Variants in POLD3 observed in about 807,000 individuals in gnomAD.
POLD3 encodes DNA polymerase delta 3, accessory subunit.
Under a neutral mutation model 58.2 loss-of-function variants are expected in POLD3, and 19 were observed. That is an observed-to-expected ratio of 0.33 (90% CI 0.23 to 0.48). The LOEUF is 0.48. Ranked by LOEUF, POLD3 falls within the 20% of genes least tolerant of loss-of-function variation. POLD3 has a pLI of 0.99. For missense variants in POLD3, 504 were observed against 545.5 expected (o/e 0.92, Z 0.76); for synonymous variants, 172 against 193.5 (o/e 0.89, Z 0.92).
At chr11:74,608,446 T>G (rs2031772561) in intron 3 of POLD3, among the ~76,000 whole-genome samples, 2 of 152,128 alleles carry the variant, frequency 1.3e-5, no homozygotes, top group Non-Finnish European at 2.9e-5. Flanking sequence ...CTGTAATTTT[T>G]CTGTGAATAA....
intron 9 of POLD3, among the ~76,000 whole-genome samples, chr11:74,631,707 C>T (rs1381782428): frequency 3.9e-5 from 6 of 152,060 alleles, no homozygotes; most frequent in Non-Finnish European, 8.8e-5. Flanking sequence ...TGGTCTTGAA[C>T]TCCTGACCCC....
intron 2 of POLD3, among the ~76,000 whole-genome samples, chr11:74,596,600 A>G (rs2031267711): frequency 6.6e-6 from 1 of 152,216 alleles, no homozygotes; most frequent in Non-Finnish European, 1.5e-5. Flanking sequence ...GTATTACATC[A>G]CACAGTTATT....
intron 7 of POLD3, among the ~76,000 whole-genome samples, chr11:74,622,529 A>G (rs2032296669): frequency 6.6e-6 from 1 of 152,236 alleles, no homozygotes; most frequent in Admixed American, 6.5e-5. Flanking sequence ...AAGTTAATTT[A>G]TTTGACATTT....
intron 9 of POLD3, among the ~76,000 whole-genome samples, chr11:74,632,836 A>G (rs1364951995): frequency 6.7e-6 from 1 of 148,278 alleles, no homozygotes; most frequent in East Asian, 2.0e-4. Context: ...CTCATCCCAA[A>G]TTTAGTTCAG....
intron 11 of POLD3, among the ~76,000 whole-genome samples, chr11:74,637,033 A>T (rs894900297): frequency 1.1e-4 from 16 of 152,174 alleles, no homozygotes; most frequent in Non-Finnish European, 2.2e-4. Context: ...TTTGTGTTTG[A>T]AAAGAGTTGT....
chr11:74,616,568 T>C (rs1385901785), intron 5 of POLD3, among the ~76,000 whole-genome samples: 1 of 152,226 alleles, frequency 6.6e-6, no homozygotes, highest in African/African-American at 2.4e-5. Flanking sequence ...TTTCCTTGTA[T>C]ATGGAAGCAC....
chr11:74,617,546 C>T (rs1404752331), intron 5 of POLD3, among the ~76,000 whole-genome samples: 1 of 152,034 alleles, frequency 6.6e-6, no homozygotes, highest in Admixed American at 6.6e-5. Context: ...GGACTACAGG[C>T]GCGTGCCACC....
chr11:74,640,312 G>A (rs932335996), intron 11 of POLD3, among the ~76,000 whole-genome samples: 1 of 152,206 alleles, frequency 6.6e-6, no homozygotes, highest in Non-Finnish European at 1.5e-5. Context: ...TTAAAGGCAT[G>A]GGATATAGCT....
At chr11:74,599,958 T>TA (rs199970292) in intron 2 of POLD3, among the ~76,000 whole-genome samples, 16 of 74,432 alleles carry the variant, frequency 2.1e-4, no homozygotes, top group African/African-American at 5.4e-4. Flanking sequence ...TTATTATTAT[T>TA]TTTTTTTTTT....
At chr11:74,629,641 T>C (rs529196836) in intron 9 of POLD3, among the ~76,000 whole-genome samples, 10 of 152,066 alleles carry the variant, frequency 6.6e-5, no homozygotes, top group Admixed American at 3.3e-4. Flanking sequence ...TTCATGTGAA[T>C]CTTTTAAAAA....
At chr11:74,594,215 C>T (rs2031142375) in intron 2 of POLD3, 99 bp downstream of exon 2, 4 of 739,508 alleles carry the variant, frequency 5.4e-6, no homozygotes, top group Admixed American at 2.2e-5. Flanking sequence ...TAGATTAGAG[C>T]TAATTTGGTT....
chr11:74,639,207 T>C (rs1055502602), intron 11 of POLD3, among the ~76,000 whole-genome samples: 2 of 152,142 alleles, frequency 1.3e-5, no homozygotes, highest in African/African-American at 4.8e-5. Context: ...AGTCTGAAAC[T>C]TGAGAAACAG....
intron 2 of POLD3, chr11:74,594,999 C>T (rs1427193908): frequency 7.9e-5 from 12 of 152,166 alleles, no homozygotes; most frequent in Non-Finnish European, 1.2e-4. Flanking sequence ...ATTGGAATTG[C>T]TGGGTCATGA....
At chr11:74,646,957 T>C (rs1282640371), downstream of POLD3, among the ~76,000 whole-genome samples, 2 of 152,252 alleles carry the variant, frequency 1.3e-5, no homozygotes, top group Non-Finnish European at 2.9e-5. Context: ...AATTTTTCCA[T>C]GGCCAGATAG....
At chr11:74,600,979 A>G (rs866618319) in intron 2 of POLD3, among the ~76,000 whole-genome samples, 3 of 152,080 alleles carry the variant, frequency 2.0e-5, no homozygotes, top group South Asian at 4.2e-4. Context: ...TTGGCCTCCC[A>G]AAGTGCTGGG....
intron 3 of POLD3, among the ~76,000 whole-genome samples, chr11:74,609,364 ATATATATATTTTTTTTTT>A (rs1169040730): frequency 4.6e-5 from 2 of 43,148 alleles, no homozygotes; most frequent in East Asian, 5.0e-4. Flanking sequence ...ATATATATAT[ATATATATATTTTTTTTTT>A]TTTTTTTTTT....
rs528175736 is a variant in POLD3, at chr11:74,602,572, G to A, written c.117-2120G>A. On this transcript the variant is annotated intron_variant, in intron 2 of 11. Transcript: ENST00000263681. ...ACCTGCACTGCTACTGCCCCAAACT[G>A]AGCTACCAGTCATCTCTAGGCTGGG... 7.9e-5 allele frequency among the ~76,000 whole-genome samples: 12 copies of A among 151,812 alleles called. No individual in the cohort carries two copies. The East Asian group carries it at 2.1e-3, about 27-fold the overall frequency.
At position 74,642,384 on chromosome 11, in the gene POLD3, T is replaced by C. The variant is rs2032936185; in HGVS notation, c.*1618T>C. ...GACTTAAACCTTTAGAAAAAACTTC[T>C]GGAGAGAAATCCCTTTTAAACAGTT... is the stretch of plus-strand genomic sequence containing the variant. On this transcript the variant is annotated 3_prime_UTR_variant, in exon 12 of 12. Coordinates refer to ENST00000263681, the MANE Select transcript of POLD3 (RefSeq NM_006591.3). The C allele has an allele frequency of 1.0e-6, 1 of 985,216 alleles. No homozygotes were observed. Among genetic ancestry groups the C allele is most frequent in the Non-Finnish European group, 1.2e-6 (1 of 829,692 alleles). 61.0% of individuals were successfully genotyped at this position (985,216 alleles called of 1,614,324 possible).
At chr11:74,659,696 A>G (rs2033181925) in intron 4 of POLD3, among the ~76,000 whole-genome samples, 1 of 152,188 alleles carries the variant, frequency 6.6e-6, no homozygotes. Flanking sequence ...TCTCTTTGCC[A>G]AAACATAACA....
Sources: gnomAD v4.1 joint callset for allele counts (sites outside exome capture counted in the v4.1 genomes callset) on GRCh38, gnomAD v4.1.1 for gene constraint, MANE v1.5 for transcripts, NCBI Gene and HGNC (gene_info 2026-07-23, HGNC 2026-07-21) for gene names.